NDUFS4: variants seen among roughly 807,000 people sequenced by gnomAD.
NDUFS4 encodes NADH dehydrogenase [ubiquinone] iron-sulfur protein 4, mitochondrial.
A neutral mutation model predicts 24.3 loss-of-function variants in NDUFS4; 28 were observed. The ratio of observed to expected loss-of-function variants is 1.15; its 90% CI spans 0.85 to 1.58. The LOEUF (loss-of-function observed/expected upper bound fraction) is 1.58, where lower values mean the gene tolerates loss of function less well. Among genes scored for constraint, NDUFS4 ranks in the 40% most tolerant of loss-of-function variants. NDUFS4 has a pLI of 0.00. For synonymous variants in NDUFS4, 93 were observed against 69.7 expected, an observed-to-expected ratio of 1.34 and a Z score of -1.67; for missense variants, 223 against 207.9, an observed-to-expected ratio of 1.07 and a Z score of -0.45.
chr5:53,646,921 A>G (rs1751882254), intron 3 of NDUFS4, among the ~76,000 whole-genome samples: 1 of 152,128 alleles, frequency 6.6e-6, no homozygotes, highest in South Asian at 2.1e-4. Context: ...ATTTGATACT[A>G]TTCGTGGTTT....
At chr5:53,617,502 C>T (rs1316874985) in intron 2 of NDUFS4, among the ~76,000 whole-genome samples, 3 of 151,864 alleles carry the variant, frequency 2.0e-5, no homozygotes, top group Admixed American at 6.6e-5. Context: ...ATTCTTTGGC[C>T]GTCATTTTTT....
At chr5:53,567,735 C>T (rs763001713) in intron 1 of NDUFS4, among the ~76,000 whole-genome samples, 105 of 152,134 alleles carry the variant, frequency 6.9e-4, no homozygotes, top group Non-Finnish European at 1.4e-3. Flanking sequence ...TTTAGCACCC[C>T]TTTTTCATTT....
intron 1 of NDUFS4, 28 bp from the exon 2 acceptor site, chr5:53,603,423 CT>C: frequency 1.9e-6 from 3 of 1,574,290 alleles, no homozygotes; most frequent in Non-Finnish European, 2.6e-6. Context: ...TGCCTGGATC[CT>C]TTTTTAACTT....
intron 1 of NDUFS4, among the ~76,000 whole-genome samples, chr5:53,586,227 G>T (rs1156291317): frequency 1.3e-5 from 2 of 150,710 alleles, no homozygotes; most frequent in African/African-American, 2.5e-5. Context: ...TACTCAGGAG[G>T]CTGAGGCAGG....
At chr5:53,658,784 CAAAAAAAAAAA>C (rs35754713) in intron 4 of NDUFS4, 160 bp downstream of exon 4, 2 of 136,948 alleles carry the variant, frequency 1.5e-5, no homozygotes, top group East Asian at 3.5e-4. Flanking sequence ...CACCCACCTC[CAAAAAAAAAAA>C]AAAAAAAAAC....
chr5:53,606,201 A>C (rs1312628340), intron 2 of NDUFS4, among the ~76,000 whole-genome samples: 1 of 152,064 alleles, frequency 6.6e-6, no homozygotes, highest in African/African-American at 2.4e-5. Context: ...AAAACAAAAC[A>C]AAACCTGAGA....
At chr5:53,621,932 C>A (rs1370347718) in intron 2 of NDUFS4, among the ~76,000 whole-genome samples, 2 of 151,886 alleles carry the variant, frequency 1.3e-5, no homozygotes, top group African/African-American at 4.8e-5. Context: ...GATCTCCTGA[C>A]CTCATGATCT....
At chr5:53,659,013 AT>A (rs1752246419) in intron 4 of NDUFS4, among the ~76,000 whole-genome samples, 1 of 152,158 alleles carries the variant, frequency 6.6e-6, no homozygotes, top group Non-Finnish European at 1.5e-5. Flanking sequence ...GCCAAACGTA[AT>A]GCCAAAATCT....
At chr5:53,589,543 A>G (rs964443859) in intron 1 of NDUFS4, among the ~76,000 whole-genome samples, 1 of 152,222 alleles carries the variant, frequency 6.6e-6, no homozygotes, top group Non-Finnish European at 1.5e-5. Flanking sequence ...TTACGTTCCT[A>G]CACCTAACCA....
intron 2 of NDUFS4, among the ~76,000 whole-genome samples, chr5:53,641,234 GAACTGGGATTC>G (rs1354341384): frequency 2.0e-5 from 3 of 152,252 alleles, no homozygotes; most frequent in African/African-American, 7.2e-5. Context: ...CCAAAGTTGA[GAACTGGGATTC>G]CAACCCAGTT....
intron 1 of NDUFS4, among the ~76,000 whole-genome samples, chr5:53,561,424 C>G (rs1253080194): frequency 6.6e-6 from 1 of 151,802 alleles, no homozygotes; most frequent in African/African-American, 2.4e-5. Context: ...TCCTTGAGAA[C>G]CTAAAGTAGT....
intron 2 of NDUFS4, among the ~76,000 whole-genome samples, chr5:53,620,854 G>A (rs256117): frequency 0.78 from 119,191 of 152,042 alleles, 46,873 homozygotes; most frequent in African/African-American, 0.83. Context: ...CTTTTTTATC[G>A]CCTAGTGTAT....
intron 4 of NDUFS4, among the ~76,000 whole-genome samples, chr5:53,672,137 A>G (rs31308): frequency 0.2 from 30,984 of 151,888 alleles, 3,683 homozygotes; most frequent in East Asian, 0.46. Flanking sequence ...GAATTATCCC[A>G]GAAGTGAACA....
At chr5:53,577,825 C>A (rs1446642563) in intron 1 of NDUFS4, among the ~76,000 whole-genome samples, 1 of 152,122 alleles carries the variant, frequency 6.6e-6, no homozygotes, top group Non-Finnish European at 1.5e-5. Context: ...GCAGAATATT[C>A]CTATGCTATG....
chr5:53,579,572 T>C (rs1749492684), intron 1 of NDUFS4, among the ~76,000 whole-genome samples: 1 of 152,184 alleles, frequency 6.6e-6, no homozygotes. Context: ...AAAATTTAGC[T>C]AGGTGTGGTG....
At chr5:53,580,689 CTTCCTTTCCT>C (rs543835770) in intron 1 of NDUFS4, among the ~76,000 whole-genome samples, 17 of 147,706 alleles carry the variant, frequency 1.2e-4, no homozygotes, top group African/African-American at 2.3e-4. Context: ...CTCTTTCGTC[CTTCCTTTCCT>C]TTCCTTTCCT....
At chr5:53,585,858 T>C (rs981663606) in intron 1 of NDUFS4, among the ~76,000 whole-genome samples, 8 of 152,228 alleles carry the variant, frequency 5.3e-5, no homozygotes, top group African/African-American at 1.4e-4. Context: ...TTTTTTGTTA[T>C]GTTACATTTC....
chr5:53,642,497 G>C (rs1751733212), intron 2 of NDUFS4, among the ~76,000 whole-genome samples: 1 of 152,092 alleles, frequency 6.6e-6, no homozygotes. Flanking sequence ...GTATTGAAAA[G>C]AGAGCGGCCA....
intron 2 of NDUFS4, among the ~76,000 whole-genome samples, chr5:53,634,663 G>C (rs1579901919): frequency 6.6e-6 from 1 of 151,838 alleles, no homozygotes; most frequent in East Asian, 1.9e-4. Context: ...TTATTGCCCA[G>C]GCTGGTCTCA....
Sources: gnomAD v4.1 joint callset for allele counts (sites outside exome capture counted in the v4.1 genomes callset) on GRCh38, gnomAD v4.1.1 for gene constraint, MANE v1.5 for transcripts, NCBI Gene and HGNC (gene_info 2026-07-23, HGNC 2026-07-21) for gene names.